Variants in VRK2 observed in about 807,000 individuals in gnomAD.
VRK2 encodes VRK serine/threonine kinase 2.
VRK2 carries 60 observed loss-of-function variants against 57.6 expected under a neutral mutation model. That is an observed-to-expected ratio of 1.04 (90% CI 0.85 to 1.29). The LOEUF is 1.29. VRK2 is among the 50% of genes most tolerant of loss of function. VRK2 has a pLI of 0.00. For missense variants in VRK2, 705 were observed against 588.1 expected (o/e 1.20, Z -2.06); for synonymous variants, 231 against 199.2 (o/e 1.16, Z -1.35).
intron 1 of VRK2, among the ~76,000 whole-genome samples, chr2:57,985,547 A>T (rs922809231): frequency 6.6e-6 from 1 of 152,058 alleles, no homozygotes; most frequent in Admixed American, 6.5e-5. Context: ...ATATTATATT[A>T]CATCCTTAAG....
At chr2:58,053,925 T>TTA (rs1372919527) in intron 2 of VRK2, among the ~76,000 whole-genome samples, 1 of 152,058 alleles carries the variant, frequency 6.6e-6, no homozygotes, top group African/African-American at 2.4e-5. Flanking sequence ...TTATGATAAA[T>TTA]TAGTCTCCAG....
chr2:57,972,649 C>A (rs912409851), intron 1 of VRK2, among the ~76,000 whole-genome samples: 5 of 151,592 alleles, frequency 3.3e-5, no homozygotes, highest in African/African-American at 1.2e-4. Flanking sequence ...TATTCTTTGT[C>A]TTAATTTTTA....
chr2:58,155,446 G>A (rs1683659074), intron 12 of VRK2, among the ~76,000 whole-genome samples: 2 of 152,074 alleles, frequency 1.3e-5, no homozygotes, highest in Admixed American at 6.5e-5. Context: ...TTGTGTTAGT[G>A]CAGGGAGGAA....
intron 2 of VRK2, among the ~76,000 whole-genome samples, chr2:58,082,573 C>G (rs750469414): frequency 1.5e-4 from 23 of 151,744 alleles, no homozygotes; most frequent in Non-Finnish European, 1.9e-4. Context: ...GTTTTCTCAC[C>G]ACTTCTTCTA....
At chr2:58,081,886 G>A (rs1343632203) in intron 2 of VRK2, among the ~76,000 whole-genome samples, 2 of 151,352 alleles carry the variant, frequency 1.3e-5, no homozygotes, top group African/African-American at 4.9e-5. Context: ...GTGTGTGTGT[G>A]TGTGTGTGTG....
chr2:57,926,034 G>A (rs1173699784), intron 1 of VRK2, among the ~76,000 whole-genome samples: 1 of 151,848 alleles, frequency 6.6e-6, no homozygotes, highest in Non-Finnish European at 1.5e-5. Flanking sequence ...TGTTTTTATA[G>A]TTAATACAAT....
chr2:57,910,505 C>T (rs988261691), intron 1 of VRK2, among the ~76,000 whole-genome samples: 1 of 152,170 alleles, frequency 6.6e-6, no homozygotes, highest in East Asian at 1.9e-4. Flanking sequence ...TGGATCATGA[C>T]AAGCCTGTAA....
chr2:57,955,576 C>T lies in VRK2; in HGVS notation c.-439+47737C>T, dbSNP rs116297641. ...AACCAGAGGTAAAACAGAATAAAACCGTTAATTTTCCCACAGAATACTAAA... is the reference window on the plus strand; with the variant it reads ...AACCAGAGGTAAAACAGAATAAAACTGTTAATTTTCCCACAGAATACTAAA... On this transcript the variant is annotated intron_variant, in intron 1 of 15. Coordinates refer to the VRK2 transcript ENST00000417641. Among the ~76,000 whole-genome samples, 1,185 of 152,020 alleles carry T rather than the reference C, an allele frequency of 7.8e-3. 20 individuals carry two copies. Among genetic ancestry groups the T allele is most frequent in the African/African-American group, 0.026 (1,079 of 41,450 alleles).
chr2:58,125,391 T>C (rs1020014538), intron 8 of VRK2, among the ~76,000 whole-genome samples: 1 of 152,150 alleles, frequency 6.6e-6, no homozygotes, highest in African/African-American at 2.4e-5. Flanking sequence ...AGTCTACTTA[T>C]ATTTTTTATT....
intron 12 of VRK2, among the ~76,000 whole-genome samples, chr2:58,155,518 C>T (rs1399171341): frequency 6.6e-6 from 1 of 152,084 alleles, no homozygotes; most frequent in Non-Finnish European, 1.5e-5. Flanking sequence ...AGGGGGACCA[C>T]CTCAGTAGTA....
chr2:58,015,758 T>C (rs896888766), intron 1 of VRK2, among the ~76,000 whole-genome samples: 2 of 152,166 alleles, frequency 1.3e-5, no homozygotes, highest in Non-Finnish European at 2.9e-5. Flanking sequence ...AATATGGAGA[T>C]GGTATGTTTT....
intron 7 of VRK2, among the ~76,000 whole-genome samples, chr2:58,117,084 T>C (rs1482682359): frequency 6.6e-6 from 1 of 152,174 alleles, no homozygotes; most frequent in East Asian, 1.9e-4. Flanking sequence ...TGGAGTTTTA[T>C]TTAATGTCGG....
chr2:58,086,196 T>G (rs77986517), intron 4 of VRK2, 143 bp from the exon 5 acceptor site: 10,455 of 632,602 alleles, frequency 0.017, 139 homozygotes, highest in Non-Finnish European at 0.023. Context: ...GGCCATTAGA[T>G]AGAGATGTTT....
At chr2:57,937,355 T>C (rs1334277711) in intron 1 of VRK2, among the ~76,000 whole-genome samples, 2 of 152,222 alleles carry the variant, frequency 1.3e-5, no homozygotes, top group Non-Finnish European at 2.9e-5. Context: ...CTTTCTTTCT[T>C]TTCTTTTTTC....
chr2:57,983,446 A>G (rs1672495372), intron 1 of VRK2, among the ~76,000 whole-genome samples: 1 of 152,168 alleles, frequency 6.6e-6, no homozygotes, highest in Non-Finnish European at 1.5e-5. Flanking sequence ...ATGTAAGATA[A>G]CATATTCACA....
chr2:58,004,414 A>C (rs931110071), intron 1 of VRK2, among the ~76,000 whole-genome samples: 3 of 152,110 alleles, frequency 2.0e-5, no homozygotes, highest in African/African-American at 7.2e-5. Flanking sequence ...GCCTCTTACC[A>C]AAAGCTTTTT....
intron 1 of VRK2, among the ~76,000 whole-genome samples, chr2:57,969,786 C>A (rs1428006836): frequency 1.3e-5 from 2 of 152,112 alleles, no homozygotes; most frequent in South Asian, 4.1e-4. Flanking sequence ...GCTTAAGCAG[C>A]TTAAGAAATC....
intron 2 of VRK2, among the ~76,000 whole-genome samples, chr2:58,028,724 C>T (rs189654598): frequency 1.6e-4 from 23 of 147,946 alleles, no homozygotes; most frequent in African/African-American, 4.8e-4. Context: ...CATCACACAC[C>T]GGGGCCTGTT....
At chr2:58,052,304 C>G (rs1675864781) in intron 2 of VRK2, among the ~76,000 whole-genome samples, 1 of 151,974 alleles carries the variant, frequency 6.6e-6, no homozygotes, top group Non-Finnish European at 1.5e-5. Flanking sequence ...ATAGACTTTC[C>G]CATTCTTAAT....
Sources: allele counts gnomAD v4.1 joint callset (sites outside exome capture counted in the v4.1 genomes callset), GRCh38; gene constraint gnomAD v4.1.1; transcripts MANE v1.5; gene names NCBI Gene and HGNC (gene_info 2026-07-23, HGNC 2026-07-21).